Variants in PHTF1 observed in about 807,000 individuals in gnomAD.
PHTF1 encodes protein PHTF1.
PHTF1 carries 88 observed loss-of-function variants against 102.4 expected under a neutral mutation model. The ratio of observed to expected loss-of-function variants is 0.86; its 90% confidence interval spans 0.72 to 1.03. The LOEUF (loss-of-function observed/expected upper bound fraction) is 1.03. Among genes scored for constraint, PHTF1 ranks in the 50% least tolerant of loss-of-function variants. PHTF1 has a pLI of 0.00. For missense variants in PHTF1, 814 were observed against 909.5 expected, an observed-to-expected ratio of 0.89 and a Z score of 1.35; for synonymous variants, 289 against 305.2, an observed-to-expected ratio of 0.95 and a Z score of 0.55.
intron 14 of PHTF1, 31 bp downstream of exon 14, chr1:113,704,635 C>T: frequency 2.6e-6 from 4 of 1,520,222 alleles, no homozygotes; most frequent in Non-Finnish European, 3.6e-6. Context: ...TATTCTTGCA[C>T]ATACTCTATT....
At chr1:113,725,603 T>C (rs75245814) in intron 6 of PHTF1, 1 of 152,184 alleles carries the variant, frequency 6.6e-6, no homozygotes, top group East Asian at 1.9e-4. Flanking sequence ...AACTCACATA[T>C]ACCATATAAT....
In PHTF1 at chr1:113,747,312, AT is replaced by A. The variant is rs374861922; in HGVS notation, c.103-8514del. On this transcript the variant is annotated intron_variant, in intron 3 of 18. Coordinates refer to ENST00000369604, the MANE Select transcript of PHTF1 (RefSeq NM_001323043.2). Reference sequence around the variant, plus strand: ...CTTGTCCTAGAACTGTAATTGCCTCATTTTTTAATGCACTTAATCTTCTATT... The same window carrying A: ...CTTGTCCTAGAACTGTAATTGCCTCATTTTTAATGCACTTAATCTTCTATT... Among the ~76,000 whole-genome samples the A allele has an allele frequency of 4.8e-3, 738 of 152,262 alleles. 8 individuals are homozygous for A. The highest frequency in any genetic ancestry group is 0.017 in the African/African-American group (698 of 41,536).
At chr1:113,723,532 AGTC>A in intron 7 of PHTF1, among the ~76,000 whole-genome samples, 2 of 152,342 alleles carry the variant, frequency 1.3e-5, no homozygotes, top group South Asian at 4.1e-4. Flanking sequence ...GAGAAAGGAC[AGTC>A]TCTTCAATAA....
chr1:113,736,203 G>A (rs975386898), intron 5 of PHTF1, among the ~76,000 whole-genome samples: 8 of 151,938 alleles, frequency 5.3e-5, no homozygotes, highest in African/African-American at 1.7e-4. Flanking sequence ...TTAGCTGGGC[G>A]TGGTGGCGGG....
At chr1:113,742,159 C>A (rs1280557150) in intron 3 of PHTF1, among the ~76,000 whole-genome samples, 1 of 152,092 alleles carries the variant, frequency 6.6e-6, no homozygotes, top group Non-Finnish European at 1.5e-5. Context: ...CATCATACAG[C>A]GTAGTCACAC....
At chr1:113,726,035 T>C (rs1418031330) in intron 6 of PHTF1, 3 of 158,646 alleles carry the variant, frequency 1.9e-5, no homozygotes, top group African/African-American at 7.2e-5. Context: ...TGAAAAAAGG[T>C]AAAATTTTGG....
At position 113,759,008 on chromosome 1, in the gene PHTF1, G is replaced by A. The variant is rs1418191255; in HGVS notation, c.-31+15C>T. ...CGGCACCCGCCTCCTTCGCTCGCCC[G>A]CGTCCGGCTCTCACCTAGTGCCCGT... On this transcript the variant is annotated intron_variant, in intron 1 of 18. Transcript: ENST00000369604. 6.6e-6 allele frequency: 7 copies of A among 1,061,110 alleles called. No homozygotes were observed. The highest frequency in any genetic ancestry group is 8.0e-6 in the Non-Finnish European group (7 of 880,184). 65.7% of individuals were successfully genotyped at this position (1,061,110 alleles called of 1,614,324 possible).
At chr1:113,759,738 A>G (rs1359622196), upstream of PHTF1, among the ~76,000 whole-genome samples, 1 of 152,246 alleles carries the variant, frequency 6.6e-6, no homozygotes, top group South Asian at 2.1e-4. Context: ...CCAGCGGTCT[A>G]AAGGAGGTCG....
At chr1:113,757,589 AT>A in intron 3 of PHTF1, 109 bp downstream of exon 3, 1 of 735,790 alleles carries the variant, frequency 1.4e-6, no homozygotes, top group Non-Finnish European at 2.4e-6. Context: ...ACCTTCAAAG[AT>A]TAAAGAATGC....
rs1650873572 is a variant in PHTF1, at chr1:113,710,360, T to C, written c.1163A>G (p.His388Arg). The C allele has an allele frequency of 5.0e-6, 8 of 1,614,168 alleles. No homozygotes were observed. Among genetic ancestry groups the C allele is most frequent in the Non-Finnish European group, 6.8e-6 (8 of 1,179,996 alleles). Residue 388 changes from histidine to arginine, a missense_variant, in exon 11 of 19, where the codon CAT becomes CGT. Coordinates refer to ENST00000369604, the MANE Select transcript of PHTF1 (RefSeq NM_001323043.2). The stretch of plus-strand genomic sequence containing the variant: ...GACAGATGACCGGCACTCTGGGCCA[T>C]GTAGCAGGTCGTCCCATAACATGTC... ...TEDMLWDDLL[H>R]GPECRSSVTS...
intron 3 of PHTF1, among the ~76,000 whole-genome samples, chr1:113,746,626 G>A (rs1055513585): frequency 8.5e-5 from 13 of 152,138 alleles, no homozygotes; most frequent in African/African-American, 1.4e-4. Context: ...TTTTGGCACC[G>A]GTATAAATAA....
chr1:113,723,544 A>C (rs908943175), intron 7 of PHTF1, among the ~76,000 whole-genome samples: 1 of 152,226 alleles, frequency 6.6e-6, no homozygotes, highest in African/African-American at 2.4e-5. Flanking sequence ...TCTCTTCAAT[A>C]AATGATGCTG....
intron 3 of PHTF1, among the ~76,000 whole-genome samples, chr1:113,740,342 A>G (rs1316683199): frequency 6.6e-6 from 1 of 152,040 alleles, no homozygotes; most frequent in Non-Finnish European, 1.5e-5. Flanking sequence ...GCATTTTTTC[A>G]TATACCTGTT....
intron 15 of PHTF1, among the ~76,000 whole-genome samples, chr1:113,701,455 T>C (rs1363512208): frequency 6.6e-6 from 1 of 152,214 alleles, no homozygotes; most frequent in Non-Finnish European, 1.5e-5. Flanking sequence ...GTTTTTGTTT[T>C]TGTTTTTAAA....
At chr1:113,750,498 TATTA>T (rs1418825334) in intron 3 of PHTF1, among the ~76,000 whole-genome samples, 1 of 152,064 alleles carries the variant, frequency 6.6e-6, no homozygotes, top group East Asian at 1.9e-4. Flanking sequence ...GAAAAGATAA[TATTA>T]ATTAATATTA....
intron 3 of PHTF1, among the ~76,000 whole-genome samples, chr1:113,753,919 CTTTGGCCTCCCAA>C (rs1217113954): frequency 6.6e-6 from 1 of 152,142 alleles, no homozygotes; most frequent in Admixed American, 6.5e-5. Flanking sequence ...GATCCTCCCA[CTTTGGCCTCCCAA>C]AGTGCTAGGA....
intron 15 of PHTF1, among the ~76,000 whole-genome samples, chr1:113,702,008 A>G (rs900988189): frequency 1.3e-5 from 2 of 152,080 alleles, no homozygotes; most frequent in African/African-American, 4.8e-5. Context: ...GAAATTCAGG[A>G]AATAAAAAGC....
At chr1:113,755,627 T>C (rs1303602388) in intron 3 of PHTF1, among the ~76,000 whole-genome samples, 1 of 152,160 alleles carries the variant, frequency 6.6e-6, no homozygotes, top group Non-Finnish European at 1.5e-5. Context: ...GTTCCTAGTA[T>C]GAATCAAGAT....
chr1:113,703,523 GT>G (rs1649673551), intron 15 of PHTF1, among the ~76,000 whole-genome samples: 1 of 151,626 alleles, frequency 6.6e-6, no homozygotes. Flanking sequence ...TTTTTTTGTT[GT>G]TTTTTTCTTT....
Sources: gnomAD v4.1 joint callset for allele counts (sites outside exome capture counted in the v4.1 genomes callset) on GRCh38, gnomAD v4.1.1 for gene constraint, MANE v1.5 for transcripts, NCBI Gene and HGNC (gene_info 2026-07-23, HGNC 2026-07-21) for gene names.